Variants in CRACR2A observed in about 807,000 individuals in gnomAD.
CRACR2A encodes the protein EF-hand calcium-binding domain-containing protein 4B.
Under a neutral mutation model 90.5 loss-of-function variants are expected in CRACR2A, and 79 were observed. The ratio of observed to expected loss-of-function variants is 0.87; its 90% CI spans 0.73 to 1.05. The LOEUF is 1.05. Ranked by LOEUF, CRACR2A falls within the 50% of genes least tolerant of loss-of-function variation. The pLI is 0.00. For missense variants in CRACR2A, 823 were observed against 897.2 expected, an observed-to-expected ratio of 0.92 and a Z score of 1.06; for synonymous variants, 338 against 356.7, an observed-to-expected ratio of 0.95 and a Z score of 0.59.
intron 7 of CRACR2A, chr12:3,672,723 ATAT>A (rs1945268914): frequency 1.0e-6 from 1 of 985,018 alleles, no homozygotes; most frequent in Non-Finnish European, 1.2e-6. Flanking sequence ...CAGTTTTGTG[ATAT>A]ACCTGCCTGT....
chr12:3,616,567 C>A (rs1412606644), intron 19 of CRACR2A, among the ~76,000 whole-genome samples: 1 of 152,228 alleles, frequency 6.6e-6, no homozygotes, highest in Admixed American at 6.5e-5. Context: ...ATAACCCATT[C>A]TTGCCTCCAG....
intron 4 of CRACR2A, among the ~76,000 whole-genome samples, chr12:3,684,172 G>A (rs1945510353): frequency 6.6e-6 from 1 of 152,110 alleles, no homozygotes; most frequent in Non-Finnish European, 1.5e-5. Context: ...CATTTTTTAT[G>A]TCCAGAATTA....
chr12:3,715,120 C>A (rs1014974562), intron 2 of CRACR2A, among the ~76,000 whole-genome samples: 8 of 152,230 alleles, frequency 5.3e-5, no homozygotes, highest in Non-Finnish European at 1.0e-4. Context: ...TACAGACCCC[C>A]TACCAGGTTC....
intron 6 of CRACR2A, among the ~76,000 whole-genome samples, chr12:3,677,687 G>A (rs242027): frequency 0.82 from 124,041 of 152,086 alleles, 50,943 homozygotes; most frequent in East Asian, 1. Flanking sequence ...TGACTAATGA[G>A]CTTCCCACCC....
At chr12:3,657,141 G>T (rs1043668894) in intron 8 of CRACR2A, among the ~76,000 whole-genome samples, 1 of 152,200 alleles carries the variant, frequency 6.6e-6, no homozygotes, top group Non-Finnish European at 1.5e-5. Flanking sequence ...TGAGCCGAGC[G>T]GGACACAACT....
At chr12:3,636,664 A>G (rs1315299285) in intron 14 of CRACR2A, among the ~76,000 whole-genome samples, 1 of 151,996 alleles carries the variant, frequency 6.6e-6, no homozygotes. Flanking sequence ...GTTATATAAG[A>G]CCCTATTTGT....
chr12:3,657,855 G>A (rs1219090846), intron 8 of CRACR2A, among the ~76,000 whole-genome samples: 1 of 152,186 alleles, frequency 6.6e-6, no homozygotes, highest in Non-Finnish European at 1.5e-5. Flanking sequence ...ACATCCTGGG[G>A]TTGGAAGGTG....
At chr12:3,747,687 G>GTGC (rs1361652852) in intron 1 of CRACR2A, among the ~76,000 whole-genome samples, 1 of 152,178 alleles carries the variant, frequency 6.6e-6, no homozygotes, top group Non-Finnish European at 1.5e-5. Flanking sequence ...ACGTCCCCTG[G>GTGC]TGCTGCTGTG....
rs1415348384 is a variant in CRACR2A at position 3,651,542 on chromosome 12, C to G, written c.1046+2670G>C. On this transcript the variant is annotated intron_variant, in intron 10 of 19. Transcript: ENST00000440314. ...CAGCTGACCTTCATCTTTACATTAT[C>G]TCTCTGCTTGATAGTTCTTTCTTTA... Among the ~76,000 whole-genome samples the G allele has an allele frequency of 2.0e-5, 3 of 152,204 alleles. No individual in the cohort carries two copies. In the East Asian group the frequency reaches 5.8e-4, roughly 29 times the overall value.
chr12:3,736,074 G>A (rs1946445020), intron 1 of CRACR2A, among the ~76,000 whole-genome samples: 1 of 152,084 alleles, frequency 6.6e-6, no homozygotes, highest in African/African-American at 2.4e-5. Context: ...GAGGCAGGGA[G>A]GTGGCTTGAT....
intron 2 of CRACR2A, chr12:3,732,446 G>C (rs1279389604): frequency 6.6e-6 from 1 of 152,286 alleles, no homozygotes; most frequent in Non-Finnish European, 1.5e-5. Context: ...ACCTTCTACT[G>C]CATCTCATTT....
At chr12:3,649,211 C>T (rs1422969700) in intron 10 of CRACR2A, among the ~76,000 whole-genome samples, 1 of 150,198 alleles carries the variant, frequency 6.7e-6, no homozygotes, top group Non-Finnish European at 1.5e-5. Context: ...GCACATGTAC[C>T]CTAAAACTTA....
At chr12:3,740,369 A>C (rs1946506383) in intron 1 of CRACR2A, among the ~76,000 whole-genome samples, 1 of 152,194 alleles carries the variant, frequency 6.6e-6, no homozygotes, top group South Asian at 2.1e-4. Flanking sequence ...GTCAGAGTGA[A>C]TCTTTCCTTG....
intron 3 of CRACR2A, among the ~76,000 whole-genome samples, chr12:3,712,684 C>A (rs1946023264): frequency 6.6e-6 from 1 of 152,164 alleles, no homozygotes; most frequent in Non-Finnish European, 1.5e-5. Flanking sequence ...TGGGCAGTGA[C>A]AAATATCCAA....
chr12:3,640,563 T>C (rs1252019069), intron 13 of CRACR2A: 31 of 1,272,128 alleles, frequency 2.4e-5, no homozygotes, highest in Non-Finnish European at 3.0e-5. Context: ...GGCCAACCAC[T>C]ATTGCAGAGA....
chr12:3,666,558 G>A (rs984469870), intron 7 of CRACR2A, among the ~76,000 whole-genome samples: 3 of 152,214 alleles, frequency 2.0e-5, no homozygotes, highest in African/African-American at 7.2e-5. Flanking sequence ...AAGGTGAGAT[G>A]TAGTTAGCGT....
Position 3,673,539 on chromosome 12 carries a change from A to T in CRACR2A, c.578T>A (p.Leu193Ter), listed in dbSNP as rs1945289772. 3 of 1,613,952 alleles carry T rather than the reference A, an allele frequency of 1.9e-6. No homozygotes were observed. The African/African-American group carries it at 4.0e-5, about 22-fold the overall frequency. ...CAGGAAGTCTTCAAAGTTGGACAGT[A>T]AATGAGGTTCCTCCTTCTTCAGCTG... The part of the protein sequence containing the change: ...WLQLKKEEPH[L>*]LSNFEDFLTR... Residue 193 changes from leucine to a stop codon, truncating the protein, a stop_gained, in exon 7 of 20, where the codon TTA becomes TAA. Coordinates refer to ENST00000440314, the MANE Select transcript of CRACR2A (RefSeq NM_001144958.2). LOFTEE classifies it high-confidence loss of function.
At chr12:3,686,021 T>C (rs1412988381) in intron 4 of CRACR2A, among the ~76,000 whole-genome samples, 1 of 152,234 alleles carries the variant, frequency 6.6e-6, no homozygotes, top group Non-Finnish European at 1.5e-5. Context: ...GTGTGCTACA[T>C]GCTTAAGCTC....
At chr12:3,670,701 G>A (rs939724641) in intron 7 of CRACR2A, among the ~76,000 whole-genome samples, 5 of 152,192 alleles carry the variant, frequency 3.3e-5, no homozygotes, top group African/African-American at 1.2e-4. Context: ...GCCCAGAGAG[G>A]TAATGCAAGT....
Sources: gnomAD v4.1 joint callset for allele counts (sites outside exome capture counted in the v4.1 genomes callset) on GRCh38, gnomAD v4.1.1 for gene constraint, MANE v1.5 for transcripts, NCBI Gene and HGNC (gene_info 2026-07-23, HGNC 2026-07-21) for gene names.